Variants in ABR observed in about 807,000 individuals in gnomAD.
ABR encodes the protein ABR activator of RhoGEF and GTPase, also known as active breakpoint cluster region-related protein.
Under a neutral mutation model 107.2 loss-of-function variants are expected in ABR, and 35 were observed. The ratio of observed to expected loss-of-function variants is 0.33; its 90% CI spans 0.25 to 0.43. The LOEUF (loss-of-function observed/expected upper bound fraction) is 0.43, where lower values mean the gene tolerates loss of function less well. Ranked by LOEUF, ABR falls within the 20% of genes least tolerant of loss-of-function variation. ABR has a pLI of 1.00. For synonymous variants in ABR, 498 were observed against 462.0 expected (o/e 1.08, Z -1.00); for missense variants, 815 against 1,115.2 (o/e 0.73, Z 3.83).
chr17:1,206,663 G>A (rs2042792588), intron 1 of ABR, among the ~76,000 whole-genome samples: 1 of 152,208 alleles, frequency 6.6e-6, no homozygotes, highest in Non-Finnish European at 1.5e-5. Flanking sequence ...CAAGGTGGGT[G>A]GATTGCTTGA....
chr17:1,117,077 G>A (rs1440839745), intron 2 of ABR, among the ~76,000 whole-genome samples: 1 of 152,120 alleles, frequency 6.6e-6, no homozygotes, highest in Non-Finnish European at 1.5e-5. Context: ...GGGAAGAAGA[G>A]GCTGCAGTTC....
chr17:1,066,026 T>C lies in ABR; in HGVS notation c.1182+1051A>G, dbSNP rs538229440. The stretch of plus-strand genomic sequence containing the variant: ...TCCTAAAGTGCTGGGATTACAGGCA[T>C]GATCCACCACGCCTGGATAATTTTG... On this transcript the variant is annotated intron_variant, in intron 10 of 22. Transcript: ENST00000302538. 3.3e-5 allele frequency among the ~76,000 whole-genome samples: 5 copies of C among 152,240 alleles called. No individual in the cohort carries two copies. The South Asian group carries it at 1.0e-3, about 32-fold the overall frequency.
At chr17:1,164,517 T>C (rs999231199) in intron 1 of ABR, among the ~76,000 whole-genome samples, 1 of 151,664 alleles carries the variant, frequency 6.6e-6, no homozygotes, top group Non-Finnish European at 1.5e-5. Context: ...CCAGATAAAC[T>C]GCAAGACTCC....
chr17:1,180,663 G>A (rs2042105771), upstream of ABR, among the ~76,000 whole-genome samples: 3 of 152,216 alleles, frequency 2.0e-5, no homozygotes, highest in African/African-American at 7.2e-5. Flanking sequence ...ACCCCGAGCC[G>A]CGGCCTGGAA....
chr17:1,104,948 T>C (rs1693926365), intron 2 of ABR, among the ~76,000 whole-genome samples: 1 of 151,998 alleles, frequency 6.6e-6, no homozygotes, highest in Admixed American at 6.6e-5. Flanking sequence ...AATTTTGCCA[T>C]ACTCACATAC....
At chr17:1,172,638 A>C (rs2041757780) in intron 1 of ABR, among the ~76,000 whole-genome samples, 1 of 152,020 alleles carries the variant, frequency 6.6e-6, no homozygotes, top group African/African-American at 2.4e-5. Flanking sequence ...AATCCCAGCT[A>C]CTCAGGAGGC....
intron 16 of ABR, among the ~76,000 whole-genome samples, chr17:1,023,122 GCGCCTCTGCCGGCCCCACGTCCACTC>G (rs2071848913): frequency 7.3e-5 from 11 of 150,826 alleles, no homozygotes; most frequent in South Asian, 2.1e-4. Flanking sequence ...GTCCACTACA[GCGCCTCTGCCGGCCCCACGTCCACTC>G]CAGCGCCTCT....
intron 16 of ABR, among the ~76,000 whole-genome samples, chr17:1,038,360 A>AGCTCCAGTC (rs1350239256): frequency 4.6e-5 from 7 of 152,198 alleles, no homozygotes; most frequent in African/African-American, 1.7e-4. Flanking sequence ...CTGAACCTGC[A>AGCTCCAGTC]GCTCCAGTCG....
intron 1 of ABR, among the ~76,000 whole-genome samples, chr17:1,201,896 C>G (rs960511583): frequency 1.3e-5 from 2 of 152,174 alleles, no homozygotes; most frequent in African/African-American, 4.8e-5. Flanking sequence ...CCAGGATGCT[C>G]TCGATCTCCT....
At position 1,210,175 on chromosome 17, in the gene ABR, G is replaced by T. The variant is rs1314850591; in HGVS notation, c.838+18618C>A. Among the ~76,000 whole-genome samples, 7 of 152,218 alleles carry T rather than the reference G, an allele frequency of 4.6e-5. No individual in the cohort carries two copies. Among genetic ancestry groups the T allele is most frequent in the African/African-American group, 1.7e-4 (7 of 41,454 alleles). On this transcript the variant is annotated intron_variant, in intron 1 of 22. Transcript: ENST00000574139. The surrounding 1 kb of genome is among the most constrained non-coding windows in gnomAD (Gnocchi z 5.6). ...AGAGAGGCGGAAGCTCAGCCCAGCT[G>T]TGTTGGTACTGTGGGGGCTGTCACT... is the stretch of plus-strand genomic sequence containing the variant.
intron 16 of ABR, among the ~76,000 whole-genome samples, chr17:1,019,228 G>T (rs192770956): frequency 6.6e-6 from 1 of 152,072 alleles, no homozygotes; most frequent in African/African-American, 2.4e-5. Context: ...CCCAGTTCTC[G>T]CCCCGCCTCC....
chr17:1,218,788 A>G (rs79326012), intron 1 of ABR, among the ~76,000 whole-genome samples: 7,215 of 152,258 alleles, frequency 0.047, 229 homozygotes, highest in East Asian at 0.13. Flanking sequence ...TGAGTAGGTC[A>G]CCAAGATGGG....
chr17:1,030,890 G>A (rs1567611942), intron 16 of ABR, among the ~76,000 whole-genome samples: 1 of 152,220 alleles, frequency 6.6e-6, no homozygotes, highest in Non-Finnish European at 1.5e-5. Context: ...CCTGTGCGCT[G>A]GGCGCTGGGT....
intron 16 of ABR, among the ~76,000 whole-genome samples, chr17:1,032,295 T>A (rs7207353): frequency 6.6e-6 from 1 of 152,116 alleles, no homozygotes; most frequent in Admixed American, 6.5e-5. Context: ...CAGAGCCAGC[T>A]TGGTGACCCG....
intron 1 of ABR, among the ~76,000 whole-genome samples, chr17:1,211,478 G>A (rs2042901400): frequency 6.6e-6 from 1 of 151,904 alleles, no homozygotes. Context: ...CCTGTGGCAG[G>A]TGCTTAGAAA....
chr17:1,117,662 C>CGAGTTCCTCCCAGCGTTATCCCTGAGCCT, intron 2 of ABR, among the ~76,000 whole-genome samples: 1 of 45,076 alleles, frequency 2.2e-5, no homozygotes, highest in Non-Finnish European at 4.3e-5. Flanking sequence ...TCCCTGAGCC[C>CGAGTTCCTCCCAGCGTTATCCCTGAGCCT]GAGTTCCTCC....
intron 3 of ABR, among the ~76,000 whole-genome samples, chr17:1,098,283 G>A (rs1393737365): frequency 6.6e-6 from 1 of 151,850 alleles, no homozygotes; most frequent in Non-Finnish European, 1.5e-5. Flanking sequence ...TCACCGTGTT[G>A]GCCAAGGATG....
intron 2 of ABR, among the ~76,000 whole-genome samples, chr17:1,110,821 G>T (rs1487725586): frequency 6.6e-6 from 1 of 152,196 alleles, no homozygotes; most frequent in Non-Finnish European, 1.5e-5. Context: ...GTTCAACAGA[G>T]GCACACCCCC....
intron 2 of ABR, among the ~76,000 whole-genome samples, chr17:1,117,870 TC>T (rs2039102267): frequency 1.0e-5 from 1 of 97,934 alleles, no homozygotes; most frequent in Non-Finnish European, 2.1e-5. Context: ...TGAGCCTGAG[TC>T]CCTCCCAGCG....
Sources: gnomAD v4.1 joint callset for allele counts (sites outside exome capture counted in the v4.1 genomes callset) on GRCh38, gnomAD v4.1.1 for gene constraint, Gnocchi (gnomAD v3.1) non-coding constraint, MANE v1.5 for transcripts, NCBI Gene and HGNC (gene_info 2026-07-23, HGNC 2026-07-21) for gene names.